The following PAFAH2 variants were observed in gnomAD, a reference collection of about 807,000 sequenced individuals.
PAFAH2 encodes the protein platelet-activating factor acetylhydrolase 2, cytoplasmic.
A neutral mutation model predicts 49.0 loss-of-function variants in PAFAH2; 42 were observed. That is an observed-to-expected ratio of 0.86 (90% CI 0.67 to 1.11). PAFAH2 has a LOEUF of 1.11. Ranked by LOEUF, PAFAH2 falls within the 50% of genes least tolerant of loss-of-function variation. PAFAH2 has a pLI of 0.00. For missense variants in PAFAH2, 503 were observed against 501.8 expected (o/e 1.00, Z -0.02); for synonymous variants, 184 against 181.3 (o/e 1.01, Z -0.12).
rs1268235834 is a variant in PAFAH2 at position 25,976,761 on chromosome 1, T to C, written c.679A>G (p.Met227Val). ...TGTCCCATCACAGCCACACGGCTCA[T>C]GTCAATGTTGCCCTGAGGAAAGTGG... The part of the protein sequence containing the change: ...DLMTLKGNID[M>V]SRVAVMGHSF... The change falls in exon 8 of 11, where the codon ATG becomes GTG. Residue 227 changes from methionine (M) to valine (V), a missense_variant. By Grantham distance (21) the Met-to-Val change is conservative. Transcript: ENST00000374282. 3 of 1,613,962 alleles carry C rather than the reference T, an allele frequency of 1.9e-6. No individual in the cohort carries two copies. Among genetic ancestry groups the C allele is most frequent in the Admixed American group, 3.3e-5 (2 of 60,018 alleles).
chr1:25,965,756 C>T (rs2049410180), intron 10 of PAFAH2, among the ~76,000 whole-genome samples: 1 of 124,874 alleles, frequency 8.0e-6, no homozygotes, highest in Non-Finnish European at 1.6e-5. Context: ...GGGCAGAGGT[C>T]ACAGTAAGCC....
At position 25,983,973 on chromosome 1, in the gene PAFAH2, C is replaced by T. The variant is rs2049736579; in HGVS notation, c.525G>A (p.Glu175=). 1 of 1,614,074 alleles carries T rather than the reference C, an allele frequency of 6.2e-7. No homozygotes were observed. Among genetic ancestry groups the T allele is most frequent in the Non-Finnish European group, 8.5e-7 (1 of 1,180,026 alleles). Residue 175 remains glutamate (E), a synonymous_variant, in exon 6 of 11, where the codon GAG becomes GAA. Transcript: ENST00000374282. ...GGGGATTCCGAACATGAAATTCCTTCTCCCCTTCCTCAACTCGACGGAAAG... is the reference window on the plus strand; with the variant it reads ...GGGGATTCCGAACATGAAATTCCTTTTCCCCTTCCTCAACTCGACGGAAAG... ...WIPFRRVEEG[E]KEFHVRNPQV... is the part of the protein sequence containing the mutation.
chr1:25,961,597 TCTGTC>T lies in PAFAH2; in HGVS notation c.*387_*391del, dbSNP rs1211089150. 1 of 160,686 alleles carries T rather than the reference TCTGTC, an allele frequency of 6.2e-6. No individual in the cohort carries two copies. Among genetic ancestry groups the T allele is most frequent in the African/African-American group, 2.4e-5 (1 of 41,688 alleles). 10.0% of individuals were successfully genotyped at this position (160,686 alleles called of 1,614,324 possible). A position where few individuals can be genotyped will look rare whatever the true frequency, so the allele number is the denominator to read the frequency against. Reference sequence around the variant, plus strand: ...AGTCTCTGAAGGTAGGGATTTTCATTCTGTCCTTTGGCTTCATCTCTTCCACTGAA... The same window carrying T: ...AGTCTCTGAAGGTAGGGATTTTCATTCTTTGGCTTCATCTCTTCCACTGAA... On this transcript the variant is annotated 3_prime_UTR_variant, in exon 11 of 11. Coordinates refer to ENST00000374282, the MANE Select transcript of PAFAH2 (RefSeq NM_000437.4).
chr1:25,978,474 C>G (rs1269007343), intron 7 of PAFAH2, among the ~76,000 whole-genome samples: 1 of 152,182 alleles, frequency 6.6e-6, no homozygotes, highest in African/African-American at 2.4e-5. Flanking sequence ...TTCACAGTGA[C>G]TTGGCCATGG....
rs568626618 is a variant in PAFAH2 at position 25,976,566 on chromosome 1, C to T, written c.758+116G>A. On this transcript the variant is annotated intron_variant, in intron 8 of 10. Coordinates refer to ENST00000374282, the MANE Select transcript of PAFAH2 (RefSeq NM_000437.4). ...CAGAGATCTTGTTTTCTTGTTTAACCGCTGAATCCTCAGTCCCTAAACAGT... is the reference window on the plus strand; with the variant it reads ...CAGAGATCTTGTTTTCTTGTTTAACTGCTGAATCCTCAGTCCCTAAACAGT... 5.7e-5 allele frequency: 38 copies of T among 670,120 alleles called. 1 individual carries two copies. Among genetic ancestry groups the T allele is most frequent in the East Asian group, 1.1e-4 (4 of 35,604 alleles). 41.5% of individuals were successfully genotyped at this position (670,120 alleles called of 1,614,324 possible).
chr1:25,961,355 G>C lies in PAFAH2; in HGVS notation c.*634C>G, dbSNP rs1343838553. 1 of 152,152 alleles carries C rather than the reference G, an allele frequency of 6.6e-6. No homozygotes were observed. The highest frequency in any genetic ancestry group is 1.5e-5 in the Non-Finnish European group (1 of 68,042). The allele number at this position is 152,152 out of a possible 1,614,324, so 9.4% of individuals were successfully genotyped here. On this transcript the variant is annotated 3_prime_UTR_variant, in exon 11 of 11. Coordinates refer to ENST00000374282, the MANE Select transcript of PAFAH2 (RefSeq NM_000437.4). ...CAGTTTTTCTCCCTGTGCTGTGAGA[G>C]CCATGCTGTCTGCCACTCTGTGGGC...
intron 10 of PAFAH2, among the ~76,000 whole-genome samples, chr1:25,962,374 T>G (rs2049352166): frequency 6.6e-6 from 1 of 152,254 alleles, no homozygotes; most frequent in South Asian, 2.1e-4. Context: ...TTTACATTCA[T>G]GGTTTCATTT....
intron 10 of PAFAH2, 37 bp from the exon 11 acceptor site, chr1:25,962,120 T>C: frequency 1.3e-6 from 2 of 1,537,988 alleles, no homozygotes; most frequent in Non-Finnish European, 1.8e-6. Context: ...AGGCAAATCA[T>C]TGTGAGGTTT....
chr1:25,965,984 A>T (rs1024059865), intron 10 of PAFAH2, among the ~76,000 whole-genome samples: 2 of 151,908 alleles, frequency 1.3e-5, no homozygotes, highest in African/African-American at 2.4e-5. Flanking sequence ...TTTTCAAAAG[A>T]AGACATACAA....
At chr1:25,976,620 T>A in intron 8 of PAFAH2, 62 bp downstream of exon 8, 1 of 1,224,352 alleles carries the variant, frequency 8.2e-7, no homozygotes, top group South Asian at 1.2e-5. Context: ...GTGTAACAAA[T>A]ACTTTCTAAA....
chr1:25,996,778 C>T (rs1282624834), intron 1 of PAFAH2, among the ~76,000 whole-genome samples: 1 of 152,196 alleles, frequency 6.6e-6, no homozygotes, highest in Non-Finnish European at 1.5e-5. Flanking sequence ...TCTCAAGTTC[C>T]TTATACGTAA....
At chr1:25,965,538 G>A (rs2049406251) in intron 10 of PAFAH2, among the ~76,000 whole-genome samples, 1 of 152,100 alleles carries the variant, frequency 6.6e-6, no homozygotes, top group African/African-American at 2.4e-5. Context: ...AGGAAAGGCT[G>A]GGCATGGTGG....
chr1:25,983,671 G>A (rs1176732739), intron 6 of PAFAH2, among the ~76,000 whole-genome samples: 3 of 152,044 alleles, frequency 2.0e-5, no homozygotes, highest in African/African-American at 7.2e-5. Flanking sequence ...AAATCCTGAC[G>A]GCATTTAAGT....
chr1:25,990,140 G>A (rs116122818), intron 2 of PAFAH2, among the ~76,000 whole-genome samples: 1,811 of 152,258 alleles, frequency 0.012, 32 homozygotes, highest in African/African-American at 0.041. Context: ...AGTGGCTCAT[G>A]CCTGTAATCC....
At position 25,960,552 on chromosome 1, in the gene PAFAH2, A is replaced by G. The variant is rs1164290034; in HGVS notation, c.*1437T>C. On this transcript the variant is annotated 3_prime_UTR_variant, in exon 11 of 11. Transcript: ENST00000374282. ...ACTGCAGATTAAACAGAAAATTCCA[A>G]CATAACATTAAGCAAACAAGAGTAT... 1 of 152,686 alleles carries G rather than the reference A, an allele frequency of 6.5e-6. No individual in the cohort carries two copies. Among genetic ancestry groups the G allele is most frequent in the Non-Finnish European group, 1.5e-5 (1 of 68,048 alleles). The allele number at this position is 152,686 out of a possible 1,614,324, so 9.5% of individuals were successfully genotyped here. A position where few individuals can be genotyped will look rare whatever the true frequency, so the allele number is the denominator to read the frequency against.
intron 9 of PAFAH2, among the ~76,000 whole-genome samples, chr1:25,973,682 G>C (rs1312688981): frequency 6.6e-6 from 1 of 152,158 alleles, no homozygotes; most frequent in African/African-American, 2.4e-5. Flanking sequence ...GAAGCCACTG[G>C]CCATACTGCC....
intron 10 of PAFAH2, among the ~76,000 whole-genome samples, chr1:25,969,286 A>G (rs897584435): frequency 8.5e-5 from 13 of 152,104 alleles, no homozygotes; most frequent in African/African-American, 3.1e-4. Flanking sequence ...AAAGGCAAAC[A>G]TTGTGTTGTC....
intron 10 of PAFAH2, 74 bp from the exon 11 acceptor site, chr1:25,962,157 AAGGGGT>A: frequency 1.6e-6 from 2 of 1,247,946 alleles, no homozygotes; most frequent in Non-Finnish European, 2.3e-6. Flanking sequence ...ACATGCATTG[AAGGGGT>A]CATCCTAGAG....
intron 10 of PAFAH2, among the ~76,000 whole-genome samples, chr1:25,970,827 A>T (rs2049495172): frequency 6.6e-6 from 1 of 151,992 alleles, no homozygotes; most frequent in Non-Finnish European, 1.5e-5. Flanking sequence ...GCCTCAAGCA[A>T]TCCTCCCATC....
Sources: allele counts gnomAD v4.1 joint callset (sites outside exome capture counted in the v4.1 genomes callset), GRCh38; gene constraint gnomAD v4.1.1; transcripts MANE v1.5; gene names NCBI Gene and HGNC (gene_info 2026-07-23, HGNC 2026-07-21).